Variants in STARD9 observed in about 807,000 individuals in gnomAD.
The protein encoded by STARD9 is StAR related lipid transfer domain containing 9.
STARD9 carries 346 observed loss-of-function variants against 399.8 expected under a neutral mutation model. That is an observed-to-expected ratio of 0.87 (90% CI 0.79 to 0.95). The LOEUF (loss-of-function observed/expected upper bound fraction) is 0.95. STARD9 is among the 40% of genes least tolerant of loss of function. The pLI is 0.00. For synonymous variants in STARD9, 2,203 were observed against 2,143.5 expected (o/e 1.03, Z -0.77); for missense variants, 5,832 against 5,667.5 (o/e 1.03, Z -0.93).
At position 42,689,740 on chromosome 15, in the gene STARD9, A is replaced by G. The variant is rs2060645532; in HGVS notation, c.8162A>G (p.Asp2721Gly). The G allele has an allele frequency of 1.3e-6, 2 of 1,537,844 alleles. No homozygotes were observed. The highest frequency in any genetic ancestry group is 1.7e-6 in the Non-Finnish European group (2 of 1,147,022). The change falls in exon 23 of 33, where the codon GAC becomes GGC. Residue 2721 changes from aspartate to glycine, a missense_variant. By Grantham distance (94) the Asp-to-Gly change is moderately conservative. Around this residue, in one of 2 missense-constraint regions of STARD9, gnomAD observed 5,828 missense variants for 5,651.1 expected, o/e 1.03. Transcript: ENST00000290607. Reference sequence around the variant, plus strand: ...TCCTCAGCTGATCCTTTGGCCCCAGACAGTCCTCGTTCTTCAGCACCTGTG... The same window carrying G: ...TCCTCAGCTGATCCTTTGGCCCCAGGCAGTCCTCGTTCTTCAGCACCTGTG... ...TPSSADPLAP[D>G]SPRSSAPVEE...
chr15:42,649,381 T>C (rs2059711874), intron 7 of STARD9, among the ~76,000 whole-genome samples: 1 of 152,218 alleles, frequency 6.6e-6, no homozygotes, highest in Admixed American at 6.5e-5. Flanking sequence ...AGTATGTTTC[T>C]GATCTATCTT....
chr15:42,588,618 C>T (rs1219224494), intron 3 of STARD9, among the ~76,000 whole-genome samples: 5 of 151,936 alleles, frequency 3.3e-5, no homozygotes, highest in Non-Finnish European at 5.9e-5. Context: ...CAATCAGAGG[C>T]CCTCATTGCT....
intron 1 of STARD9, among the ~76,000 whole-genome samples, chr15:42,576,099 CCT>C (rs1282301338): frequency 6.6e-6 from 1 of 152,154 alleles, no homozygotes; most frequent in Non-Finnish European, 1.5e-5. Context: ...TGAGCATTCT[CCT>C]CTCTCTTTCT....
intron 15 of STARD9, among the ~76,000 whole-genome samples, chr15:42,668,201 A>G (rs1310770147): frequency 6.6e-6 from 1 of 152,178 alleles, no homozygotes; most frequent in Non-Finnish European, 1.5e-5. Context: ...CACCAATGCC[A>G]GGGGTCCCTA....
At position 42,673,358 on chromosome 15, in the gene STARD9, C is replaced by T. The variant is rs1048762999; in HGVS notation, c.1498-1082C>T. ...CGAAGGTTGCAGTGAGCTGAGATTG[C>T]ACCACTGTACTCCAGCCTGGGCATC... On this transcript the variant is annotated intron_variant, in intron 16 of 32. Coordinates refer to ENST00000290607, the MANE Select transcript of STARD9 (RefSeq NM_020759.3). Among the ~76,000 whole-genome samples, 250 of 152,054 alleles carry T rather than the reference C, an allele frequency of 1.6e-3. 1 individual carries two copies. Among genetic ancestry groups the T allele is most frequent in the African/African-American group, 5.9e-3 (244 of 41,444 alleles).
intron 26 of STARD9, among the ~76,000 whole-genome samples, chr15:42,713,325 G>GT (rs1475426177): frequency 6.6e-6 from 1 of 152,064 alleles, no homozygotes; most frequent in Non-Finnish European, 1.5e-5. Context: ...AGTTCTGATG[G>GT]TTTTTTAAAA....
At chr15:42,635,133 C>T (rs946326540) in intron 4 of STARD9, among the ~76,000 whole-genome samples, 161 bp downstream of exon 4, 3 of 151,792 alleles carry the variant, frequency 2.0e-5, no homozygotes, top group Non-Finnish European at 4.4e-5. Context: ...CGGCTGGGCG[C>T]AGTGGCTCAC....
chr15:42,652,683 T>G (rs1282908786), intron 9 of STARD9, 91 bp downstream of exon 9: 3 of 1,241,514 alleles, frequency 2.4e-6, no homozygotes, highest in Non-Finnish European at 3.4e-6. Context: ...TTTTTTTGTT[T>G]GTTGGTTTTT....
intron 9 of STARD9, among the ~76,000 whole-genome samples, chr15:42,652,824 G>A (rs28736688): frequency 0.073 from 11,098 of 151,976 alleles, 958 homozygotes; most frequent in African/African-American, 0.21. Context: ...TACAGGAGAC[G>A]CCACCATGCC....
At chr15:42,595,926 T>C (rs2058494142) in intron 3 of STARD9, among the ~76,000 whole-genome samples, 1 of 152,190 alleles carries the variant, frequency 6.6e-6, no homozygotes, top group Admixed American at 6.5e-5. Flanking sequence ...ATCTAACTTG[T>C]TTTTTCCGTC....
chr15:42,695,353 G>C (rs1014865221), intron 25 of STARD9, 30 bp downstream of exon 25: 1 of 1,503,500 alleles, frequency 6.7e-7, no homozygotes, highest in Admixed American at 2.0e-5. Context: ...TCTGATTTCA[G>C]GATAGGCCTG....
At position 42,690,117 on chromosome 15, in the gene STARD9, G is replaced by T. The variant is rs905376251; in HGVS notation, c.8539G>T (p.Gly2847Cys). Residue 2847 changes from glycine to cysteine, a missense_variant, in exon 23 of 33, where the codon GGT (glycine) becomes TGT (cysteine). By Grantham distance (159) the Gly-to-Cys change is radical (BLOSUM62 -3). Around this residue, in one of 2 missense-constraint regions of STARD9, gnomAD observed 5,828 missense variants for 5,651.1 expected, o/e 1.03. Transcript: ENST00000290607. ...CPEASTGFEE[G>C]RASPKQDTIL... ...TGAGGCTTCTACTGGCTTTGAAGAA[G>T]GTAGGGCAAGTCCCAAACAAGATAC... 6.5e-7 allele frequency: 1 copy of T among 1,537,802 alleles called. No individual in the cohort carries two copies.
At chr15:42,670,761 A>G (rs1038855144) in intron 16 of STARD9, 1 of 152,198 alleles carries the variant, frequency 6.6e-6, no homozygotes, top group Admixed American at 6.5e-5. Context: ...CTCAGACAGA[A>G]AATTTAAAGT....
intron 26 of STARD9, among the ~76,000 whole-genome samples, chr15:42,697,900 C>T (rs563878953): frequency 1.3e-4 from 20 of 152,122 alleles, no homozygotes; most frequent in Non-Finnish European, 1.6e-4. Flanking sequence ...TACCCATCCC[C>T]GCCCTCAGTG....
intron 1 of STARD9, among the ~76,000 whole-genome samples, chr15:42,577,385 C>T: frequency 6.6e-6 from 1 of 152,202 alleles, no homozygotes; most frequent in Non-Finnish European, 1.5e-5. Context: ...GATCTCCTGA[C>T]CTCGTGATCT....
At chr15:42,609,369 G>A (rs758816119) in intron 3 of STARD9, among the ~76,000 whole-genome samples, 4 of 152,054 alleles carry the variant, frequency 2.6e-5, no homozygotes, top group Non-Finnish European at 4.4e-5. Context: ...CTGCAGAAGA[G>A]ACGGTATGGT....
chr15:42,697,252 C>G (rs1263132693), intron 26 of STARD9, among the ~76,000 whole-genome samples: 7 of 152,034 alleles, frequency 4.6e-5, no homozygotes. Context: ...ATCAGTAAAT[C>G]TAGTGCTGAC....
Position 42,692,901 on chromosome 15 carries a change from G to T in STARD9, c.11323G>T (p.Glu3775Ter), listed in dbSNP as rs1312312256. Reference protein sequence around the residue: ...GSDTSTVSQEEGDVPGVPQKR... With the variant: ...GSDTSTVSQE The stretch of plus-strand genomic sequence containing the variant: ...AGATACCTCGACTGTGTCTCAAGAA[G>T]AGGGAGATGTGCCAGGGGTACCTCA... The change falls in exon 23 of 33, where the codon GAG (glutamate) becomes TAG (stop). Residue 3775 changes from glutamate (E) to a stop codon, truncating the protein, a stop_gained. Transcript: ENST00000290607. LOFTEE classifies it high-confidence loss of function. 2 of 1,537,274 alleles carry T rather than the reference G, an allele frequency of 1.3e-6. No individual in the cohort carries two copies. Among genetic ancestry groups the T allele is most frequent in the Non-Finnish European group, 1.7e-6 (2 of 1,146,914 alleles).
chr15:42,589,626 A>G (rs1313529801), intron 3 of STARD9, among the ~76,000 whole-genome samples: 2 of 149,666 alleles, frequency 1.3e-5, no homozygotes, highest in Non-Finnish European at 3.0e-5. Context: ...TTTTTTTTTA[A>G]ATGGAGTTTC....
Sources: gnomAD v4.1 joint callset for allele counts (sites outside exome capture counted in the v4.1 genomes callset) on GRCh38, gnomAD v4.1.1 for gene constraint, gnomAD v4.1.1 regional missense constraint, MANE v1.5 for transcripts, NCBI Gene and HGNC (gene_info 2026-07-23, HGNC 2026-07-21) for gene names.